The following ARHGEF28 variants were observed in gnomAD, a reference collection of about 807,000 sequenced individuals.
ARHGEF28 encodes Rho guanine nucleotide exchange factor 28, also known as 190 kDa guanine nucleotide exchange factor.
In ARHGEF28, 152 loss-of-function variants were observed where a neutral mutation model predicts 206.6. The observed-to-expected ratio is 0.74, with a 90% confidence interval of 0.64 to 0.84. The LOEUF (loss-of-function observed/expected upper bound fraction) is 0.84, where lower values mean the gene tolerates loss of function less well. Ranked by LOEUF, ARHGEF28 falls within the 40% of genes least tolerant of loss-of-function variation. ARHGEF28 has a pLI of 0.00. For missense variants in ARHGEF28, 2,028 were observed against 2,073.2 expected, an observed-to-expected ratio of 0.98 and a Z score of 0.42; for synonymous variants, 763 against 776.4, an observed-to-expected ratio of 0.98 and a Z score of 0.29.
At chr5:73,862,138 T>G (rs1759440196) in intron 16 of ARHGEF28, among the ~76,000 whole-genome samples, 1 of 152,206 alleles carries the variant, frequency 6.6e-6, no homozygotes, top group Non-Finnish European at 1.5e-5. Flanking sequence ...ATTATATTTC[T>G]ATAAAATTAC....
intron 16 of ARHGEF28, among the ~76,000 whole-genome samples, chr5:73,859,649 G>A (rs1759267373): frequency 6.6e-6 from 1 of 152,142 alleles, no homozygotes; most frequent in African/African-American, 2.4e-5. Context: ...CTCAGATGTG[G>A]TTTAACTTCC....
chr5:73,847,855 C>A (rs1758460681), intron 12 of ARHGEF28, among the ~76,000 whole-genome samples: 1 of 152,164 alleles, frequency 6.6e-6, no homozygotes, highest in South Asian at 2.1e-4. Flanking sequence ...TTGGGTTGGC[C>A]TTCTTGACGT....
At chr5:73,776,475 T>C in intron 5 of ARHGEF28, 41 bp from the exon 6 acceptor site, 1 of 1,544,312 alleles carries the variant, frequency 6.5e-7, no homozygotes, top group Non-Finnish European at 8.8e-7. Flanking sequence ...GGGGCTGGTG[T>C]CTTTGAAGCT....
chr5:73,893,331 C>T, intron 28 of ARHGEF28, 43 bp downstream of exon 28: 1 of 1,466,398 alleles, frequency 6.8e-7, no homozygotes, highest in Non-Finnish European at 9.1e-7. Context: ...TGGTGTTCTC[C>T]TGGGTGTTGG....
intron 30 of ARHGEF28, chr5:73,900,512 A>G (rs1342507585): frequency 2.0e-5 from 3 of 152,256 alleles, no homozygotes; most frequent in Non-Finnish European, 4.4e-5. Context: ...ACTAGTTTCT[A>G]TGTTTTCATA....
intron 9 of ARHGEF28, among the ~76,000 whole-genome samples, chr5:73,813,208 C>T (rs1755949222): frequency 6.6e-6 from 1 of 152,190 alleles, no homozygotes; most frequent in African/African-American, 2.4e-5. Flanking sequence ...AGGCAGCTCT[C>T]TTTCAATTCC....
intron 35 of ARHGEF28, among the ~76,000 whole-genome samples, chr5:73,922,300 T>A (rs1252281591): frequency 1.3e-5 from 2 of 152,244 alleles, no homozygotes; most frequent in Non-Finnish European, 2.9e-5. Flanking sequence ...GGCAGTCACT[T>A]TCAACTGCAA....
chr5:73,923,362 T>A (rs764594041), intron 35 of ARHGEF28, among the ~76,000 whole-genome samples: 1 of 152,174 alleles, frequency 6.6e-6, no homozygotes, highest in Non-Finnish European at 1.5e-5. Context: ...GTTACCTTCA[T>A]GAATATGGAG....
At chr5:73,875,141 G>A (rs2112648551) in intron 22 of ARHGEF28, among the ~76,000 whole-genome samples, 1 of 150,880 alleles carries the variant, frequency 6.6e-6, no homozygotes, top group East Asian at 1.9e-4. Flanking sequence ...TCTCATTGTG[G>A]TTTTGATTTG....
In ARHGEF28 at chr5:73,911,482, C is replaced by G. The variant is rs774030916; in HGVS notation, c.4855C>G (p.Pro1619Ala). ...AGACCTCAAGGTGGACCCTTCTCAG[C>G]CTTCGAATGTCAGTCACAAACTGTG... ...QVDLKVDPSQ[P>A]SNVSHKLWTA... is the part of the protein sequence containing the mutation. The change falls in exon 35 of 36, where the codon CCT (proline) becomes GCT (alanine). Residue 1619 changes from proline to alanine, a missense_variant. Pro to Ala is a conservative substitution (Grantham distance 27). Transcript: ENST00000513042. 3 of 1,613,916 alleles carry G rather than the reference C, an allele frequency of 1.9e-6. No homozygotes were observed. Among genetic ancestry groups the G allele is most frequent in the Non-Finnish European group, 2.5e-6 (3 of 1,179,864 alleles).
At chr5:73,903,956 C>T in intron 31 of ARHGEF28, 1 of 502,664 alleles carries the variant, frequency 2.0e-6, no homozygotes, top group Non-Finnish European at 3.5e-6. Flanking sequence ...TCCTTACTGT[C>T]ATCCCTTGTT....
At chr5:73,880,527 G>C (rs181550674) in intron 22 of ARHGEF28, among the ~76,000 whole-genome samples, 218 of 152,328 alleles carry the variant, frequency 1.4e-3, no homozygotes, top group African/African-American at 4.8e-3. Flanking sequence ...CGTTGCTCAC[G>C]CTAGGAGCTG....
intron 4 of ARHGEF28, among the ~76,000 whole-genome samples, chr5:73,762,971 A>G (rs1752692227): frequency 6.6e-6 from 1 of 152,252 alleles, no homozygotes; most frequent in African/African-American, 2.4e-5. Flanking sequence ...TCAGGATTAA[A>G]TGAGATAACG....
intron 9 of ARHGEF28, among the ~76,000 whole-genome samples, chr5:73,810,566 A>G (rs1311809102): frequency 2.6e-5 from 4 of 151,986 alleles, no homozygotes; most frequent in East Asian, 1.9e-4. Context: ...GGGTTTATCT[A>G]CCTCCTAGTT....
Position 73,773,855 on chromosome 5 carries a change from T to C in ARHGEF28, c.476T>C (p.Val159Ala). The part of the protein sequence containing the change: ...WTVLGSSSLE[V>A]SSHRESLLHL... ...ATGGTATGTGTTTTTTCCTCTTCAG[T>C]ATCTTCTCACAGAGAATCTCTTCTA... The change falls in exon 5 of 36, where the codon GTA becomes GCA. Residue 159 changes from valine (V) to alanine (A), a missense_variant and splice_region_variant. Transcript: ENST00000513042. 1 of 1,593,432 alleles carries C rather than the reference T, an allele frequency of 6.3e-7. No individual in the cohort carries two copies. The highest frequency in any genetic ancestry group is 2.2e-5 in the East Asian group (1 of 44,620).
In ARHGEF28 at chr5:73,909,492, C is replaced by T. The variant is rs773833314; in HGVS notation, c.4242C>T (p.His1414=). The part of the protein sequence containing the change: ...LQQQEGLSLG[H]SILRGGPLQD... ...AGCAGGAGGGCCTGTCTCTCGGCCA[C>T]TCTATCCTCCGAGGCGGCCCCTTGC... The change falls in exon 34 of 36, where the codon CAC becomes CAT. Residue 1414 remains histidine (H), a synonymous_variant. Coordinates refer to ENST00000513042, the MANE Select transcript of ARHGEF28 (RefSeq NM_001177693.2). 3.1e-6 allele frequency: 5 copies of T among 1,611,722 alleles called. No individual in the cohort carries two copies. The African/African-American group carries it at 6.7e-5, about 22-fold the overall frequency.
At chr5:73,880,842 A>C (rs1444459688) in intron 22 of ARHGEF28, among the ~76,000 whole-genome samples, 1 of 152,056 alleles carries the variant, frequency 6.6e-6, no homozygotes, top group East Asian at 1.9e-4. Context: ...TGAGGTGGGC[A>C]GATCGCCTGA....
At chr5:73,712,038 C>T (rs1303430510) in intron 2 of ARHGEF28, among the ~76,000 whole-genome samples, 1 of 151,724 alleles carries the variant, frequency 6.6e-6, no homozygotes, top group African/African-American at 2.4e-5. Context: ...TTTCCTGCAT[C>T]TATTAGATGG....
At chr5:73,707,430 G>A (rs573010150) in intron 2 of ARHGEF28, among the ~76,000 whole-genome samples, 1 of 152,274 alleles carries the variant, frequency 6.6e-6, no homozygotes, top group African/African-American at 2.4e-5. Context: ...CCAGGAAATG[G>A]CATTCCTATC....
Sources: allele counts gnomAD v4.1 joint callset (sites outside exome capture counted in the v4.1 genomes callset), GRCh38; gene constraint gnomAD v4.1.1; transcripts MANE v1.5; gene names NCBI Gene and HGNC (gene_info 2026-07-23, HGNC 2026-07-21).